CDC73: variants seen among roughly 807,000 people sequenced by gnomAD.
CDC73 encodes parafibromin.
A neutral mutation model predicts 83.7 loss-of-function variants in CDC73; 21 were observed. The ratio of observed to expected loss-of-function variants is 0.25; its 90% confidence interval spans 0.18 to 0.36. The LOEUF is 0.36. Ranked by LOEUF, CDC73 falls within the 10% of genes least tolerant of loss-of-function variation. The pLI is 1.00. For missense variants in CDC73, 342 were observed against 653.3 expected (o/e 0.52, Z 5.19); for synonymous variants, 224 against 212.9 (o/e 1.05, Z -0.45).
chr1:193,131,043 A>G (rs901488010), intron 3 of CDC73, among the ~76,000 whole-genome samples: 4 of 152,030 alleles, frequency 2.6e-5, no homozygotes, highest in African/African-American at 9.7e-5. Flanking sequence ...TTTATGGCTC[A>G]GATATCATAT....
rs1476474115 is a variant in CDC73, at chr1:193,249,428, G to A, written c.1418-302G>A. ...TCATTTTATTATGATACTTTATTGC[G>A]GTGGTCTGGAACTGAACCCACAATA... On this transcript the variant is annotated intron_variant, in intron 15 of 16. Coordinates refer to ENST00000367435, the MANE Select transcript of CDC73 (RefSeq NM_024529.5). 6.6e-6 allele frequency among the ~76,000 whole-genome samples: 1 copy of A among 151,886 alleles called. No homozygotes were observed. The highest frequency in any genetic ancestry group is 2.4e-5 in the African/African-American group (1 of 41,378).
chr1:193,128,807 A>G (rs1384474929), intron 2 of CDC73, among the ~76,000 whole-genome samples: 1 of 152,310 alleles, frequency 6.6e-6, no homozygotes, highest in Admixed American at 6.5e-5. Context: ...ATATAAGGTC[A>G]TTGGCCAAAG....
intron 10 of CDC73, among the ~76,000 whole-genome samples, chr1:193,176,711 G>T (rs1477270631): frequency 6.6e-6 from 1 of 152,036 alleles, no homozygotes; most frequent in Non-Finnish European, 1.5e-5. Context: ...AAATTTCCTA[G>T]TTAAACAGTA....
Position 193,250,772 on chromosome 1 carries a change from C to G in CDC73, c.*60C>G. On this transcript the variant is annotated 3_prime_UTR_variant, in exon 17 of 17. Transcript: ENST00000367435. ...TCAAGCTTTATGAATTTATCAAGAA[C>G]TTAAAAATGAAGAAGGTCACAGATT... is the stretch of plus-strand genomic sequence containing the variant. The G allele has an allele frequency of 5.0e-6, 7 of 1,410,916 alleles. No individual in the cohort carries two copies. The highest frequency in any genetic ancestry group is 7.0e-6 in the Non-Finnish European group (7 of 996,642). The allele number at this position is 1,410,916 out of a possible 1,614,324, so 87.4% of individuals were successfully genotyped here.
At chr1:193,223,904 T>G (rs1403072183) in intron 13 of CDC73, among the ~76,000 whole-genome samples, 1 of 151,544 alleles carries the variant, frequency 6.6e-6, no homozygotes, top group Non-Finnish European at 1.5e-5. Flanking sequence ...ACCCACATAT[T>G]TTGAGGTACA....
At chr1:193,207,530 C>A (rs921242445) in intron 11 of CDC73, among the ~76,000 whole-genome samples, 4 of 152,110 alleles carry the variant, frequency 2.6e-5, no homozygotes, top group African/African-American at 7.2e-5. Context: ...GACCTCCCCC[C>A]AGAAATGCAT....
intron 13 of CDC73, among the ~76,000 whole-genome samples, chr1:193,223,878 T>G (rs565824953): frequency 7.7e-4 from 117 of 151,284 alleles, no homozygotes; most frequent in African/African-American, 2.7e-3. Flanking sequence ...TTTTTTTTTG[T>G]ATTGATACGT....
chr1:193,232,457 TAC>T (rs142845942), intron 13 of CDC73, among the ~76,000 whole-genome samples: 71 of 150,284 alleles, frequency 4.7e-4, no homozygotes, highest in African/African-American at 1.0e-3. Flanking sequence ...TACACACACA[TAC>T]ACACACACAC....
chr1:193,234,181 A>T (rs1305714903), intron 14 of CDC73, among the ~76,000 whole-genome samples: 648 of 21,046 alleles, frequency 0.031, 2 homozygotes, highest in Middle Eastern at 0.056. Context: ...TCTCTCACAC[A>T]CACACACACA....
intron 10 of CDC73, among the ~76,000 whole-genome samples, chr1:193,155,436 T>C (rs1301882963): frequency 6.6e-6 from 1 of 152,190 alleles, no homozygotes; most frequent in Non-Finnish European, 1.5e-5. Flanking sequence ...TTTCCAAGTT[T>C]GGAGCTTTTC....
intron 10 of CDC73, among the ~76,000 whole-genome samples, chr1:193,200,149 C>T (rs1230437509): frequency 6.6e-6 from 1 of 151,676 alleles, no homozygotes; most frequent in Non-Finnish European, 1.5e-5. Flanking sequence ...GCTTAAGCCC[C>T]AGAGGTCAAG....
intron 15 of CDC73, among the ~76,000 whole-genome samples, chr1:193,239,186 T>C (rs575384380): frequency 6.6e-6 from 1 of 152,208 alleles, no homozygotes; most frequent in Non-Finnish European, 1.5e-5. Flanking sequence ...ATGGAATTGA[T>C]GGTTTTACTC....
chr1:193,213,143 A>G (rs898354026), intron 13 of CDC73, among the ~76,000 whole-genome samples: 5 of 152,220 alleles, frequency 3.3e-5, no homozygotes, highest in Non-Finnish European at 2.9e-5. Context: ...ATTAATGAAT[A>G]TGAGTAGACA....
rs145034973 is a variant in CDC73, at chr1:193,225,298, G to A, written c.1155-7695G>A. ...TCCACATACTACGGTTTCTTTATCC[G>A]CTAGTTGATTAATGGGCATTTAGGT... On this transcript the variant is annotated intron_variant, in intron 13 of 16. Coordinates refer to ENST00000367435, the MANE Select transcript of CDC73 (RefSeq NM_024529.5). 3.4e-3 allele frequency among the ~76,000 whole-genome samples: 509 copies of A among 148,664 alleles called. 3 individuals are homozygous for A. Among genetic ancestry groups the A allele is most frequent in the Non-Finnish European group, 4.0e-3 (269 of 67,256 alleles).
At chr1:193,204,850 C>T (rs1029748864) in intron 11 of CDC73, among the ~76,000 whole-genome samples, 11 of 152,148 alleles carry the variant, frequency 7.2e-5, no homozygotes, top group Middle Eastern at 3.4e-3. Context: ...CTCATAGTTC[C>T]GTGGTAGTAT....
At chr1:193,135,315 A>C in intron 3 of CDC73, 76 bp from the exon 4 acceptor site, 1 of 1,238,878 alleles carries the variant, frequency 8.1e-7, no homozygotes, top group Non-Finnish European at 1.2e-6. Flanking sequence ...AAAAAACCTA[A>C]AGCATTTCAC....
At chr1:193,249,434 C>G (rs144617733) in intron 15 of CDC73, among the ~76,000 whole-genome samples, 6 of 152,044 alleles carry the variant, frequency 3.9e-5, no homozygotes, top group South Asian at 2.1e-4. Context: ...TTGCGGTGGT[C>G]TGGAACTGAA....
chr1:193,177,171 CT>C (rs201027820), intron 10 of CDC73, among the ~76,000 whole-genome samples: 7 of 150,960 alleles, frequency 4.6e-5, no homozygotes, highest in African/African-American at 9.8e-5. Context: ...CAGCTCTAGA[CT>C]TTTTTTTTTA....
At chr1:193,173,833 C>T (rs2103151888) in intron 10 of CDC73, among the ~76,000 whole-genome samples, 1 of 151,990 alleles carries the variant, frequency 6.6e-6, no homozygotes, top group East Asian at 1.9e-4. Flanking sequence ...TTTACTAATG[C>T]ATTATGTAAC....
Sources: gnomAD v4.1 joint callset for allele counts (sites outside exome capture counted in the v4.1 genomes callset) on GRCh38, gnomAD v4.1.1 for gene constraint, MANE v1.5 for transcripts, NCBI Gene and HGNC (gene_info 2026-07-23, HGNC 2026-07-21) for gene names.